DGKB: variants seen among roughly 807,000 people sequenced by gnomAD.
The protein encoded by DGKB is 90 kDa diacylglycerol kinase.
Under a neutral mutation model 114.3 loss-of-function variants are expected in DGKB, and 67 were observed. The observed-to-expected ratio is 0.59, with a 90% CI of 0.48 to 0.72. The LOEUF is 0.72. Ranked by LOEUF, DGKB falls within the 30% of genes least tolerant of loss-of-function variation. The pLI, the probability that DGKB is intolerant of heterozygous loss-of-function variation, is 0.00. For missense variants in DGKB, 907 were observed against 975.2 expected, an observed-to-expected ratio of 0.93 and a Z score of 0.93; for synonymous variants, 398 against 323.1, an observed-to-expected ratio of 1.23 and a Z score of -2.49.
At chr7:14,367,096 C>A (rs946309685) in intron 21 of DGKB, among the ~76,000 whole-genome samples, 51 of 152,100 alleles carry the variant, frequency 3.4e-4, no homozygotes, top group South Asian at 4.1e-4. Context: ...CGATGCCAGG[C>A]AGTAGCAGTG....
chr7:14,513,720 GA>G (rs1788335085), intron 20 of DGKB, among the ~76,000 whole-genome samples: 1 of 151,782 alleles, frequency 6.6e-6, no homozygotes, highest in Admixed American at 6.6e-5. Flanking sequence ...TTATATGTAG[GA>G]ACTATATGTT....
Position 14,483,388 on chromosome 7 carries a change from T to C in DGKB, c.1771-5163A>G, listed in dbSNP as rs117858053. 6.9e-4 allele frequency among the ~76,000 whole-genome samples: 105 copies of C among 152,328 alleles called. No individual in the cohort carries two copies. The East Asian group carries it at 0.016, about 24-fold the overall frequency. On this transcript the variant is annotated intron_variant, in intron 20 of 25. Transcript: ENST00000402815. ...TGAAGATGGATGATACTAAGTGTCA[T>C]CTGTATCTGATTTAGGTTATTTACA...
chr7:14,769,119 A>G (rs202198975), intron 2 of DGKB, among the ~76,000 whole-genome samples: 10 of 111,202 alleles, frequency 9.0e-5, no homozygotes, highest in African/African-American at 1.4e-4. Context: ...GAAAGAAAGA[A>G]AGAAAGAGAG....
intron 1 of DGKB, among the ~76,000 whole-genome samples, chr7:14,927,328 T>A (rs1784795871): frequency 6.6e-6 from 1 of 152,052 alleles, no homozygotes; most frequent in African/African-American, 2.4e-5. Flanking sequence ...TATTTCCAGT[T>A]CATTGATTTA....
intron 4 of DGKB, among the ~76,000 whole-genome samples, chr7:14,740,996 C>T (rs1832507204): frequency 6.6e-6 from 1 of 152,070 alleles, no homozygotes; most frequent in South Asian, 2.1e-4. Flanking sequence ...GATGAGTAGC[C>T]ATTCGTCTTC....
chr7:14,894,898 A>C (rs1781866222), intron 1 of DGKB, among the ~76,000 whole-genome samples: 1 of 151,612 alleles, frequency 6.6e-6, no homozygotes, highest in Admixed American at 6.6e-5. Flanking sequence ...AACAAAGAAG[A>C]AATCTCTATT....
chr7:14,573,518 C>CATGACATAAAATTAGCATGGG (rs1798689564), intron 20 of DGKB, among the ~76,000 whole-genome samples: 1 of 149,376 alleles, frequency 6.7e-6, no homozygotes, highest in African/African-American at 2.5e-5. Flanking sequence ...TGAGATGTGA[C>CATGACATAAAATTAGCATGGG]ATGACATAAA....
At chr7:14,950,893 C>T (rs1472594933) in intron 1 of DGKB, among the ~76,000 whole-genome samples, 1 of 151,844 alleles carries the variant, frequency 6.6e-6, no homozygotes. Context: ...TGATTATACA[C>T]CATGCTCAAG....
intron 9 of DGKB, among the ~76,000 whole-genome samples, chr7:14,691,813 C>CCAT (rs1442558744): frequency 2.0e-5 from 3 of 151,482 alleles, no homozygotes; most frequent in Non-Finnish European, 4.4e-5. Flanking sequence ...GGTGCCTCTG[C>CCAT]CATCTAGCGG....
At chr7:14,264,115 T>A (rs1293280451) in intron 23 of DGKB, among the ~76,000 whole-genome samples, 1 of 152,138 alleles carries the variant, frequency 6.6e-6, no homozygotes, top group Non-Finnish European at 1.5e-5. Context: ...AGATTCATCA[T>A]GAATTGCCAG....
chr7:14,964,289 G>C (rs986261802), intron 1 of DGKB, among the ~76,000 whole-genome samples: 1 of 152,112 alleles, frequency 6.6e-6, no homozygotes, highest in African/African-American at 2.4e-5. Flanking sequence ...CAGATGGCTT[G>C]AGCTCAGGAG....
chr7:14,305,214 G>A (rs1240770148), intron 23 of DGKB, among the ~76,000 whole-genome samples: 1 of 151,966 alleles, frequency 6.6e-6, no homozygotes, highest in East Asian at 1.9e-4. Context: ...CTGTGCTATT[G>A]AACACTAGAA....
chr7:14,599,438 A>G (rs375483587), intron 17 of DGKB, among the ~76,000 whole-genome samples: 26 of 152,050 alleles, frequency 1.7e-4, no homozygotes, highest in African/African-American at 5.8e-4. Flanking sequence ...ATATTTTCCA[A>G]TCATTATGCT....
chr7:14,494,672 C>T (rs1179689910), intron 20 of DGKB, among the ~76,000 whole-genome samples: 1 of 151,910 alleles, frequency 6.6e-6, no homozygotes, highest in Non-Finnish European at 1.5e-5. Flanking sequence ...CACTCATTCT[C>T]TGACATCAAA....
At chr7:14,576,337 TTTAA>T (rs1341429595) in intron 19 of DGKB, among the ~76,000 whole-genome samples, 2 of 151,958 alleles carry the variant, frequency 1.3e-5, no homozygotes, top group Admixed American at 6.6e-5. Context: ...ATTTTAAATG[TTTAA>T]TTAATTTCTA....
intron 5 of DGKB, among the ~76,000 whole-genome samples, chr7:14,722,527 A>G (rs942750871): frequency 8.5e-5 from 13 of 152,172 alleles, no homozygotes; most frequent in Admixed American, 2.6e-4. Context: ...TTAATAAAAA[A>G]GCTTGGCCAG....
At chr7:14,961,250 T>A (rs1786827209) in intron 1 of DGKB, among the ~76,000 whole-genome samples, 1 of 152,168 alleles carries the variant, frequency 6.6e-6, no homozygotes, top group South Asian at 2.1e-4. Context: ...GCTTTTATTT[T>A]TTTCCACATA....
chr7:14,679,098 G>A (rs1820389557), intron 12 of DGKB, among the ~76,000 whole-genome samples: 1 of 151,882 alleles, frequency 6.6e-6, no homozygotes, highest in South Asian at 2.1e-4. Flanking sequence ...GTGCATGCAG[G>A]TGCTGTTCTG....
intron 1 of DGKB, among the ~76,000 whole-genome samples, chr7:14,890,430 C>T (rs982029287): frequency 5.3e-5 from 8 of 151,330 alleles, no homozygotes; most frequent in Non-Finnish European, 7.4e-5. Context: ...AACATGCCTT[C>T]GCTTATCTCA....
Sources: allele counts gnomAD v4.1 joint callset (sites outside exome capture counted in the v4.1 genomes callset), GRCh38; gene constraint gnomAD v4.1.1; transcripts MANE v1.5; gene names NCBI Gene and HGNC (gene_info 2026-07-23, HGNC 2026-07-21).